KHDRBS2: variants seen among roughly 807,000 people sequenced by gnomAD.
KHDRBS2 encodes KH RNA binding domain containing, signal transduction associated 2.
A neutral mutation model predicts 44.3 loss-of-function variants in KHDRBS2; 26 were observed. The observed-to-expected ratio is 0.59, with a 90% CI of 0.43 to 0.81. The LOEUF (loss-of-function observed/expected upper bound fraction) is 0.81. KHDRBS2 is among the 40% of genes least tolerant of loss of function. The probability of loss-of-function intolerance (pLI) is 0.00; values close to 1 mark genes in which losing one functional copy is unlikely to be tolerated. For synonymous variants in KHDRBS2, 194 were observed against 151.1 expected, an observed-to-expected ratio of 1.28 and a Z score of -2.08; for missense variants, 476 against 433.1, an observed-to-expected ratio of 1.10 and a Z score of -0.88.
intron 6 of KHDRBS2, among the ~76,000 whole-genome samples, chr6:61,744,077 C>T (rs1243291108): frequency 4.0e-5 from 6 of 151,866 alleles, no homozygotes; most frequent in Non-Finnish European, 7.4e-5. Context: ...GTGAATAGTG[C>T]CGCTATAAGC....
the KHDRBS2 span, among the ~76,000 whole-genome samples, chr6:61,621,632 T>TA: frequency 6.6e-6 from 1 of 152,226 alleles, no homozygotes; most frequent in Non-Finnish European, 1.5e-5. Flanking sequence ...TGAAATATTT[T>TA]TATACTTGTG....
At chr6:62,100,497 T>C (rs746097164) in intron 2 of KHDRBS2, among the ~76,000 whole-genome samples, 14 of 152,268 alleles carry the variant, frequency 9.2e-5, no homozygotes, top group East Asian at 7.7e-4. Context: ...CAGAGAAACA[T>C]TTCATAAGAG....
At chr6:61,546,588 TAAA>T in the KHDRBS2 span, among the ~76,000 whole-genome samples, 289 of 152,248 alleles carry the variant, frequency 1.9e-3, no homozygotes, top group African/African-American at 6.6e-3. Context: ...AACATTGAAA[TAAA>T]TTTGAGCTAT....
chr6:62,283,928 G>A (rs972609458), intron 1 of KHDRBS2, among the ~76,000 whole-genome samples: 1 of 151,992 alleles, frequency 6.6e-6, no homozygotes, highest in African/African-American at 2.4e-5. Context: ...TCTGAAATTT[G>A]GGTAACCTCT....
At chr6:61,643,740 G>A in the KHDRBS2 span, among the ~76,000 whole-genome samples, 2 of 152,098 alleles carry the variant, frequency 1.3e-5, no homozygotes, top group East Asian at 1.9e-4. Flanking sequence ...TAGGAATACA[G>A]CCCACTAGGA....
chr6:62,269,924 T>G (rs550815174), intron 1 of KHDRBS2, among the ~76,000 whole-genome samples: 1 of 152,046 alleles, frequency 6.6e-6, no homozygotes, highest in Non-Finnish European at 1.5e-5. Flanking sequence ...TATTAATAAA[T>G]GCAACAACAT....
intron 2 of KHDRBS2, among the ~76,000 whole-genome samples, chr6:62,155,412 A>G (rs759767234): frequency 3.3e-5 from 5 of 152,204 alleles, no homozygotes; most frequent in Non-Finnish European, 7.3e-5. Context: ...GGAGGTCAAG[A>G]AAAAGTATCT....
At chr6:62,060,990 T>A (rs1034447158) in intron 2 of KHDRBS2, among the ~76,000 whole-genome samples, 1 of 151,898 alleles carries the variant, frequency 6.6e-6, no homozygotes, top group African/African-American at 2.4e-5. Context: ...AGACTAGGAT[T>A]GCAACCCTTG....
chr6:62,051,654 A>C (rs1439878330), intron 2 of KHDRBS2, among the ~76,000 whole-genome samples: 1 of 152,054 alleles, frequency 6.6e-6, no homozygotes, highest in Non-Finnish European at 1.5e-5. Flanking sequence ...ATTAAACTAA[A>C]AAACTCCTTC....
At chr6:62,258,178 AG>A (rs1837727550) in intron 1 of KHDRBS2, among the ~76,000 whole-genome samples, 1 of 152,044 alleles carries the variant, frequency 6.6e-6, no homozygotes, top group Non-Finnish European at 1.5e-5. Context: ...AAGAAACATG[AG>A]ATGCAGTTGG....
intron 4 of KHDRBS2, among the ~76,000 whole-genome samples, chr6:61,930,546 GA>G (rs1439236595): frequency 2.8e-3 from 135 of 47,594 alleles, no homozygotes; most frequent in Non-Finnish European, 4.8e-3. Context: ...AAAAAAAAAA[GA>G]AAAAAAAAAA....
At chr6:62,064,624 A>G (rs1793041342) in intron 2 of KHDRBS2, among the ~76,000 whole-genome samples, 2 of 150,854 alleles carry the variant, frequency 1.3e-5, no homozygotes, top group South Asian at 4.2e-4. Flanking sequence ...TTATACAAAA[A>G]TCAATTCAAG....
intron 1 of KHDRBS2, among the ~76,000 whole-genome samples, chr6:62,207,488 T>A (rs188399151): frequency 1.5e-4 from 23 of 152,240 alleles, no homozygotes; most frequent in Admixed American, 9.2e-4. Context: ...AAGGTGAGTA[T>A]GTAAAACCTG....
intron 6 of KHDRBS2, among the ~76,000 whole-genome samples, chr6:61,748,152 G>A (rs1777130310): frequency 6.6e-6 from 1 of 152,060 alleles, no homozygotes; most frequent in Non-Finnish European, 1.5e-5. Context: ...ACCATGCCCA[G>A]CTAATGATTT....
chr6:61,623,509 T>C, the KHDRBS2 span, among the ~76,000 whole-genome samples: 1 of 152,202 alleles, frequency 6.6e-6, no homozygotes, highest in Non-Finnish European at 1.5e-5. Context: ...CATGGAGTAA[T>C]AGGCAGCCTT....
rs566790054 is a variant in KHDRBS2 at position 62,086,943 on chromosome 6, G to GAA, written c.220-38951_220-38950dup. 1.2e-3 allele frequency among the ~76,000 whole-genome samples: 152 copies of GAA among 129,572 alleles called. 1 individual carries two copies. Among genetic ancestry groups the GAA allele is most frequent in the African/African-American group, 3.7e-3 (129 of 35,326 alleles). 85.0% of individuals were successfully genotyped at this position (129,572 alleles called of 152,430 possible). A position where few individuals can be genotyped will look rare whatever the true frequency, so the allele number is the denominator to read the frequency against. ...ATTGGAGCAGAACAGTGCAATAACT[G>GAA]AAAAAAAAAAAAGGAAAAGATATAG... is the stretch of plus-strand genomic sequence containing the variant. On this transcript the variant is annotated intron_variant, in intron 2 of 8. Coordinates refer to ENST00000281156, the MANE Select transcript of KHDRBS2 (RefSeq NM_152688.4).
chr6:62,115,112 A>G (rs1336879488), intron 2 of KHDRBS2, among the ~76,000 whole-genome samples: 1 of 152,174 alleles, frequency 6.6e-6, no homozygotes, highest in East Asian at 1.9e-4. Flanking sequence ...CTTGAAAAAT[A>G]TACACAAAGA....
At chr6:62,023,398 C>G (rs1232938418) in intron 3 of KHDRBS2, among the ~76,000 whole-genome samples, 4 of 151,614 alleles carry the variant, frequency 2.6e-5, no homozygotes, top group Non-Finnish European at 5.9e-5. Context: ...TAGATATTCT[C>G]TAAAGCATTG....
At chr6:62,247,012 A>G (rs1835686342) in intron 1 of KHDRBS2, among the ~76,000 whole-genome samples, 2 of 152,036 alleles carry the variant, frequency 1.3e-5, no homozygotes, top group Admixed American at 1.3e-4. Flanking sequence ...CTATTTGTTC[A>G]ATTTCCAAAC....
Sources: allele counts gnomAD v4.1 joint callset (sites outside exome capture counted in the v4.1 genomes callset), GRCh38; gene constraint gnomAD v4.1.1; transcripts MANE v1.5; gene names NCBI Gene and HGNC (gene_info 2026-07-23, HGNC 2026-07-21).